MPP7: variants seen among roughly 807,000 people sequenced by gnomAD.
MPP7 encodes MAGUK p55 scaffold protein 7, also known as MAGUK p55 subfamily member 7.
In MPP7, 60 loss-of-function variants were observed where a neutral mutation model predicts 76.5. The ratio of observed to expected loss-of-function variants is 0.78; its 90% CI spans 0.64 to 0.97. The LOEUF is 0.97. Among genes scored for constraint, MPP7 ranks in the 50% least tolerant of loss-of-function variants. The pLI, the probability that MPP7 is intolerant of heterozygous loss-of-function variation, is 0.00. For missense variants in MPP7, 641 were observed against 694.0 expected (o/e 0.92, Z 0.86); for synonymous variants, 237 against 244.5 (o/e 0.97, Z 0.29).
At chr10:28,273,661 T>C (rs997181311) in intron 1 of MPP7, among the ~76,000 whole-genome samples, 7 of 152,212 alleles carry the variant, frequency 4.6e-5, no homozygotes, top group Admixed American at 4.6e-4. Flanking sequence ...TAAGGCAAAT[T>C]GCATCAAGAG....
intron 11 of MPP7, among the ~76,000 whole-genome samples, 174 bp downstream of exon 11, chr10:28,119,477 G>T (rs59907257): frequency 0.029 from 4,367 of 152,136 alleles, 198 homozygotes; most frequent in African/African-American, 0.097. Context: ...TTCCTCAAAA[G>T]ATTCATGTTA....
chr10:28,232,548 T>A (rs924126980), intron 2 of MPP7, among the ~76,000 whole-genome samples: 3 of 152,178 alleles, frequency 2.0e-5, no homozygotes, highest in African/African-American at 7.2e-5. Flanking sequence ...AAATAATACT[T>A]TTCCCCTGGA....
chr10:28,211,444 CATATAT>C (rs59909463), intron 2 of MPP7, among the ~76,000 whole-genome samples: 24 of 149,824 alleles, frequency 1.6e-4, no homozygotes, highest in African/African-American at 4.9e-4. Context: ...TATTTTTTGC[CATATAT>C]ATATATATAT....
intron 2 of MPP7, among the ~76,000 whole-genome samples, chr10:28,216,938 C>T (rs1838328431): frequency 6.6e-6 from 1 of 151,842 alleles, no homozygotes; most frequent in Non-Finnish European, 1.5e-5. Flanking sequence ...AAAGAGTCAG[C>T]AATATAATTC....
At chr10:28,174,902 T>C (rs1220911966) in intron 3 of MPP7, among the ~76,000 whole-genome samples, 1 of 152,152 alleles carries the variant, frequency 6.6e-6, no homozygotes, top group Non-Finnish European at 1.5e-5. Context: ...GTAACAAAAA[T>C]GAATTAATCT....
intron 2 of MPP7, among the ~76,000 whole-genome samples, chr10:28,207,649 A>G (rs1307992462): frequency 6.6e-6 from 1 of 151,866 alleles, no homozygotes; most frequent in Non-Finnish European, 1.5e-5. Context: ...CTATAATCAC[A>G]TCACTTTACT....
At chr10:28,235,499 A>C (rs1042104286) in intron 2 of MPP7, among the ~76,000 whole-genome samples, 1 of 152,198 alleles carries the variant, frequency 6.6e-6, no homozygotes, top group Admixed American at 6.5e-5. Flanking sequence ...GGATTATGAT[A>C]GAGGGGATAT....
intron 15 of MPP7, chr10:28,057,626 TTTTTTTTTTAG>T: frequency 2.5e-6 from 1 of 405,574 alleles, no homozygotes; most frequent in Non-Finnish European, 3.6e-6. Flanking sequence ...TTTTTTTTTT[TTTTTTTTTTAG>T]TAAATTACCC....
chr10:28,177,143 C>T (rs1460487689), intron 3 of MPP7, among the ~76,000 whole-genome samples: 1 of 150,714 alleles, frequency 6.6e-6, no homozygotes, highest in Non-Finnish European at 1.5e-5. Flanking sequence ...TCTGGCCGGG[C>T]GCAGTGGCTC....
chr10:28,298,513 C>CGT (rs1454515077), intron 1 of MPP7, among the ~76,000 whole-genome samples: 2 of 152,168 alleles, frequency 1.3e-5, no homozygotes, highest in African/African-American at 4.8e-5. Context: ...TAAACCACGC[C>CGT]ATAAACAGAT....
chr10:28,148,070 C>A (rs1023264873), intron 4 of MPP7, among the ~76,000 whole-genome samples: 3 of 152,110 alleles, frequency 2.0e-5, no homozygotes, highest in Non-Finnish European at 4.4e-5. Flanking sequence ...GAGCAAATGG[C>A]CTGAAACTTT....
At position 28,126,446 on chromosome 10, in the gene MPP7, C is replaced by T. The variant is rs543183346; in HGVS notation, c.448-1355G>A. 5.3e-5 allele frequency among the ~76,000 whole-genome samples: 8 copies of T among 152,312 alleles called. No individual in the cohort carries two copies. In the South Asian group the frequency reaches 1.0e-3, roughly 20 times the overall value. On this transcript the variant is annotated intron_variant, in intron 6 of 16. Coordinates refer to ENST00000683449, the MANE Select transcript of MPP7 (RefSeq NM_001318170.2). ...AGAAAAGCCTAGTAATCTAAGTTTA[C>T]TTATCCATAGTTTCTGGATGATAAA...
At chr10:28,244,079 C>T (rs562517451) in intron 1 of MPP7, among the ~76,000 whole-genome samples, 2 of 152,164 alleles carry the variant, frequency 1.3e-5, no homozygotes, top group South Asian at 2.1e-4. Flanking sequence ...CTTTGTGGTC[C>T]GTATGGTCTC....
intron 1 of MPP7, among the ~76,000 whole-genome samples, chr10:28,252,924 G>T (rs760752430): frequency 6.6e-6 from 1 of 151,698 alleles, no homozygotes; most frequent in Admixed American, 6.6e-5. Flanking sequence ...TTTTGGGAGG[G>T]GGGGGCGGAG....
At chr10:28,214,908 G>A (rs1438981291) in intron 2 of MPP7, among the ~76,000 whole-genome samples, 3 of 152,054 alleles carry the variant, frequency 2.0e-5, no homozygotes, top group East Asian at 1.9e-4. Context: ...ACCTCTCCAC[G>A]TGGCTCCTGG....
At chr10:28,251,393 C>T (rs192321552) in intron 1 of MPP7, among the ~76,000 whole-genome samples, 19 of 151,666 alleles carry the variant, frequency 1.3e-4, no homozygotes, top group Admixed American at 1.1e-3. Flanking sequence ...ACCCGGGAGG[C>T]GGAGGTTACA....
At chr10:28,280,374 C>T (rs928042877) in intron 1 of MPP7, among the ~76,000 whole-genome samples, 1 of 151,940 alleles carries the variant, frequency 6.6e-6, no homozygotes, top group African/African-American at 2.4e-5. Context: ...ACTTACAATA[C>T]CTAATACAAT....
chr10:28,215,624 G>A (rs1838284939), intron 2 of MPP7, among the ~76,000 whole-genome samples: 2 of 152,088 alleles, frequency 1.3e-5, no homozygotes, highest in Admixed American at 1.3e-4. Flanking sequence ...CCCTGGGGTA[G>A]CATGCTTAGA....
At chr10:28,177,015 T>A (rs1355528707) in intron 3 of MPP7, among the ~76,000 whole-genome samples, 4 of 149,744 alleles carry the variant, frequency 2.7e-5, no homozygotes, top group African/African-American at 9.9e-5. Context: ...ACCCTAGAAC[T>A]TAAAGTATAA....
Sources: gnomAD v4.1 joint callset for allele counts (sites outside exome capture counted in the v4.1 genomes callset) on GRCh38, gnomAD v4.1.1 for gene constraint, MANE v1.5 for transcripts, NCBI Gene and HGNC (gene_info 2026-07-23, HGNC 2026-07-21) for gene names.